The following CSMD1 variants were observed in gnomAD, a reference collection of about 807,000 sequenced individuals.
CSMD1 encodes the protein CUB and sushi domain-containing protein 1.
CSMD1 carries 213 observed loss-of-function variants against 417.5 expected under a neutral mutation model. That is an observed-to-expected ratio of 0.51 (90% CI 0.46 to 0.57). The LOEUF (loss-of-function observed/expected upper bound fraction) is 0.57. Ranked by LOEUF, CSMD1 falls within the 20% of genes least tolerant of loss-of-function variation. The probability of loss-of-function intolerance (pLI) is 0.00; values close to 1 mark genes in which losing one functional copy is unlikely to be tolerated. For synonymous variants in CSMD1, 2,862 were observed against 1,736.8 expected, an observed-to-expected ratio of 1.65 and a Z score of -16.11; for missense variants, 6,923 against 4,529.7, an observed-to-expected ratio of 1.53 and a Z score of -15.17.
intron 52 of CSMD1, among the ~76,000 whole-genome samples, chr8:3,005,144 A>G (rs1807771594): frequency 1.3e-5 from 2 of 152,150 alleles, no homozygotes; most frequent in Non-Finnish European, 2.9e-5. Context: ...GTCTCAAAAG[A>G]TAATAAAAAC....
Position 3,814,017 on chromosome 8 carries a change from C to G in CSMD1, c.819-59975G>C, listed in dbSNP as rs140601875. Among the ~76,000 whole-genome samples the G allele has an allele frequency of 1.0e-3, 152 of 152,260 alleles. 2 individuals carry two copies. The East Asian group carries it at 0.026, about 26-fold the overall frequency. Reference sequence around the variant, plus strand: ...AGAACCGTTCAACAGATTAATGCAACAGATTAAAAACTGTCTTTAAAATAA... The same window carrying G: ...AGAACCGTTCAACAGATTAATGCAAGAGATTAAAAACTGTCTTTAAAATAA... On this transcript the variant is annotated intron_variant, in intron 5 of 69. Transcript: ENST00000635120.
At chr8:4,312,276 T>A (rs573648996) in intron 3 of CSMD1, among the ~76,000 whole-genome samples, 8 of 151,772 alleles carry the variant, frequency 5.3e-5, no homozygotes, top group African/African-American at 1.7e-4. Flanking sequence ...AACTTTAGCA[T>A]TGATGTATAC....
chr8:3,347,849 TC>T, intron 22 of CSMD1, 142 bp downstream of exon 22: 1 of 562,850 alleles, frequency 1.8e-6, no homozygotes, highest in Non-Finnish European at 2.9e-6. Context: ...CTTCTCAAAC[TC>T]ATTGTGTAAA....
intron 3 of CSMD1, among the ~76,000 whole-genome samples, chr8:4,331,932 C>G (rs964647996): frequency 3.9e-5 from 6 of 152,156 alleles, no homozygotes; most frequent in African/African-American, 1.2e-4. Flanking sequence ...TTTTTACAGT[C>G]TCCATGACCA....
intron 61 of CSMD1, among the ~76,000 whole-genome samples, chr8:2,961,502 T>C (rs1278653252): frequency 2.0e-5 from 3 of 152,162 alleles, no homozygotes; most frequent in Admixed American, 1.3e-4. Context: ...AGAAATATAT[T>C]TGGTCAATGA....
chr8:4,852,381 C>T lies in CSMD1; in HGVS notation c.85+141951G>A, dbSNP rs563708615. ...CTGGTTGTTTAAAAGTATGTGGCTC[C>T]TCTCCTCTCTCTCTCGTTCTCACTC... On this transcript the variant is annotated intron_variant, in intron 1 of 69. Coordinates refer to ENST00000635120, the MANE Select transcript of CSMD1 (RefSeq NM_033225.6). 2.0e-4 allele frequency among the ~76,000 whole-genome samples: 30 copies of T among 152,150 alleles called. 1 individual carries two copies. The South Asian group carries it at 5.8e-3, about 29-fold the overall frequency.
intron 3 of CSMD1, among the ~76,000 whole-genome samples, chr8:4,082,934 G>C (rs1213359527): frequency 6.6e-6 from 1 of 151,806 alleles, no homozygotes; most frequent in African/African-American, 2.4e-5. Flanking sequence ...TCCTTACAAA[G>C]GACATGAACT....
chr8:2,978,801 C>T lies in CSMD1; in HGVS notation c.8378-1G>A, dbSNP rs754030533. On this transcript the variant is annotated splice_acceptor_variant, in intron 54 of 69. Coordinates refer to ENST00000635120, the MANE Select transcript of CSMD1 (RefSeq NM_033225.6). LOFTEE classifies it high-confidence loss of function. Reference sequence around the variant, plus strand: ...AAGCCTGGATCAGAACAGTTCACCACTAGAAAATAAAACATTTCACACACC... The same window carrying T: ...AAGCCTGGATCAGAACAGTTCACCATTAGAAAATAAAACATTTCACACACC... The T allele has an allele frequency of 6.3e-7, 1 of 1,595,014 alleles. No homozygotes were observed. The highest frequency in any genetic ancestry group is 1.3e-5 in the African/African-American group (1 of 74,322).
chr8:4,702,407 G>C (rs1807623813), intron 1 of CSMD1, among the ~76,000 whole-genome samples: 1 of 152,152 alleles, frequency 6.6e-6, no homozygotes, highest in African/African-American at 2.4e-5. Flanking sequence ...CAACAGTTTT[G>C]AAAACAACCT....
rs183286878 is a variant in CSMD1 at position 3,252,202 on chromosome 8, C to T, written c.4154-21971G>A. Reference sequence around the variant, plus strand: ...AGTATGATATTGGCTGTGGGTTTGTCATAGATAGCTCTTATTATTTTGAAA... The same window carrying T: ...AGTATGATATTGGCTGTGGGTTTGTTATAGATAGCTCTTATTATTTTGAAA... On this transcript the variant is annotated intron_variant, in intron 26 of 69. Coordinates refer to ENST00000635120, the MANE Select transcript of CSMD1 (RefSeq NM_033225.6). Among the ~76,000 whole-genome samples the T allele has an allele frequency of 6.7e-3, 1,026 of 152,256 alleles. 10 individuals carry two copies. The highest frequency in any genetic ancestry group is 0.024 in the African/African-American group (995 of 41,558).
At chr8:4,251,357 G>C (rs181437151) in intron 3 of CSMD1, among the ~76,000 whole-genome samples, 15 of 152,236 alleles carry the variant, frequency 9.9e-5, no homozygotes, top group Admixed American at 3.9e-4. Context: ...TAATTTAAGA[G>C]TTTGGAAGGT....
intron 5 of CSMD1, among the ~76,000 whole-genome samples, chr8:3,775,934 C>G (rs777399653): frequency 2.6e-5 from 4 of 152,206 alleles, no homozygotes; most frequent in Non-Finnish European, 5.9e-5. Flanking sequence ...GATGTGAATG[C>G]CACCTATATG....
chr8:3,180,256 T>A (rs1469695879), intron 37 of CSMD1, among the ~76,000 whole-genome samples: 2 of 152,240 alleles, frequency 1.3e-5, no homozygotes, highest in African/African-American at 2.4e-5. Context: ...TTTATCAGAC[T>A]ATTAACTCTG....
chr8:3,248,521 C>T (rs1170210708), intron 26 of CSMD1, among the ~76,000 whole-genome samples: 1 of 81,710 alleles, frequency 1.2e-5, no homozygotes. Flanking sequence ...TCAATTCCCT[C>T]CCTTTTTTTT....
At chr8:3,267,111 A>G (rs367868747) in intron 26 of CSMD1, among the ~76,000 whole-genome samples, 33 of 152,210 alleles carry the variant, frequency 2.2e-4, no homozygotes, top group African/African-American at 5.8e-4. Context: ...CAGGAGAGAA[A>G]GAGGCTTCCA....
At chr8:4,929,717 G>T (rs1315566237) in intron 1 of CSMD1, among the ~76,000 whole-genome samples, 1 of 152,022 alleles carries the variant, frequency 6.6e-6, no homozygotes, top group Non-Finnish European at 1.5e-5. Context: ...TCTGGAGCCC[G>T]CACTTGACAA....
At chr8:4,347,213 T>G (rs345146) in intron 3 of CSMD1, among the ~76,000 whole-genome samples, 3 of 152,062 alleles carry the variant, frequency 2.0e-5, no homozygotes, top group Non-Finnish European at 4.4e-5. Flanking sequence ...GAGTTAGAAA[T>G]ACTTGGAAAT....
At chr8:4,544,301 T>C (rs1028515609) in intron 2 of CSMD1, among the ~76,000 whole-genome samples, 3 of 152,154 alleles carry the variant, frequency 2.0e-5, no homozygotes, top group African/African-American at 7.2e-5. Context: ...AAGAGGTCTA[T>C]TGTCAATATC....
At chr8:4,186,926 G>A (rs765875022) in intron 3 of CSMD1, among the ~76,000 whole-genome samples, 9 of 152,012 alleles carry the variant, frequency 5.9e-5, no homozygotes, top group Non-Finnish European at 1.3e-4. Context: ...AACCCACGAG[G>A]CAGAGATTGC....
Sources: allele counts gnomAD v4.1 joint callset (sites outside exome capture counted in the v4.1 genomes callset), GRCh38; gene constraint gnomAD v4.1.1; transcripts MANE v1.5; gene names NCBI Gene and HGNC (gene_info 2026-07-23, HGNC 2026-07-21).